Variants in MEP1A observed in about 807,000 individuals in gnomAD.
MEP1A encodes N-benzoyl-L-tyrosyl-P-amino-benzoic acid hydrolase subunit alpha.
Under a neutral mutation model 84.5 loss-of-function variants are expected in MEP1A, and 68 were observed. The ratio of observed to expected loss-of-function variants is 0.80; its 90% CI spans 0.66 to 0.98. The LOEUF (loss-of-function observed/expected upper bound fraction) is 0.98. Ranked by LOEUF, MEP1A falls within the 50% of genes least tolerant of loss-of-function variation. MEP1A has a pLI of 0.00. For synonymous variants in MEP1A, 337 were observed against 336.8 expected (o/e 1.00, Z -0.01); for missense variants, 887 against 919.9 (o/e 0.96, Z 0.46).
rs1335768043 is a variant in MEP1A, at chr6:46,825,507, T to C, written c.778+14T>C. 2 of 1,568,856 alleles carry C rather than the reference T, an allele frequency of 1.3e-6. No individual in the cohort carries two copies. The highest frequency in any genetic ancestry group is 4.5e-5 in the East Asian group (2 of 44,406). ...TGTACAATTGCAGTGAGTATCTCAGTTTCTGAGAACTTGGTAAACTAGCCT... is the reference window on the plus strand; with the variant it reads ...TGTACAATTGCAGTGAGTATCTCAGCTTCTGAGAACTTGGTAAACTAGCCT... On this transcript the variant is annotated intron_variant, in intron 8 of 13. Coordinates refer to ENST00000230588, the MANE Select transcript of MEP1A (RefSeq NM_005588.3).
In MEP1A at chr6:46,833,545, G is replaced by A. The variant is rs1664466049; in HGVS notation, c.1609+7G>A. On this transcript the variant is annotated splice_region_variant and intron_variant, in intron 11 of 13. Coordinates refer to ENST00000230588, the MANE Select transcript of MEP1A (RefSeq NM_005588.3). ...AAGTCGCACACATCTCCAGGTGGGT[G>A]GTGTCAGCGCAAATAAGAACTGCCC... 1.2e-6 allele frequency: 2 copies of A among 1,609,318 alleles called. No homozygotes were observed. The highest frequency in any genetic ancestry group is 2.7e-5 in the African/African-American group (2 of 74,918).
intron 5 of MEP1A, among the ~76,000 whole-genome samples, chr6:46,800,380 G>T (rs563232424): frequency 1.3e-5 from 2 of 152,168 alleles, no homozygotes; most frequent in Non-Finnish European, 2.9e-5. Flanking sequence ...GAGTAGGTCA[G>T]CGTTGGTGTG....
chr6:46,831,531 G>A (rs1768075222), intron 10 of MEP1A, among the ~76,000 whole-genome samples: 1 of 152,186 alleles, frequency 6.6e-6, no homozygotes, highest in Admixed American at 6.5e-5. Context: ...GGGCAGCCCT[G>A]TGGAAGCATG....
intron 6 of MEP1A, among the ~76,000 whole-genome samples, chr6:46,812,136 T>G (rs1473772585): frequency 2.6e-5 from 4 of 152,012 alleles, no homozygotes; most frequent in African/African-American, 9.7e-5. Flanking sequence ...TGAATTGCCA[T>G]TTCAATCTCA....
chr6:46,819,768 A>G (rs993601105), intron 7 of MEP1A, 64 bp downstream of exon 7: 51 of 1,539,116 alleles, frequency 3.3e-5, no homozygotes, highest in Non-Finnish European at 4.3e-5. Flanking sequence ...GAGATGACCA[A>G]GCCAAATCTG....
intron 5 of MEP1A, among the ~76,000 whole-genome samples, chr6:46,807,770 GGAAAGAAA>G (rs545795578): frequency 0.065 from 6,174 of 95,514 alleles, 298 homozygotes; most frequent in East Asian, 0.1. Context: ...AAGGGAGAAA[GGAAAGAAA>G]GAAAGAAAGA....
chr6:46,832,044 G>A (rs545937281), intron 10 of MEP1A, among the ~76,000 whole-genome samples: 1 of 152,264 alleles, frequency 6.6e-6, no homozygotes, highest in East Asian at 1.9e-4. Context: ...AGAATGGCCT[G>A]AAAACACAAG....
the MEP1A span, among the ~76,000 whole-genome samples, chr6:46,845,962 T>G: frequency 6.6e-6 from 1 of 152,224 alleles, no homozygotes; most frequent in Admixed American, 6.5e-5. Flanking sequence ...GTTTGAAAAT[T>G]AAATAAAATT....
intron 6 of MEP1A, among the ~76,000 whole-genome samples, chr6:46,818,648 C>T (rs868218923): frequency 3.9e-5 from 6 of 152,216 alleles, no homozygotes; most frequent in Admixed American, 6.5e-5. Context: ...TTCAGAGGGA[C>T]GCTACAGGTC....
At chr6:46,836,145 T>C (rs1346577828) in intron 13 of MEP1A, among the ~76,000 whole-genome samples, 1 of 152,192 alleles carries the variant, frequency 6.6e-6, no homozygotes, top group Non-Finnish European at 1.5e-5. Flanking sequence ...TGTCAAGAAG[T>C]TGAAGCTTAG....
chr6:46,804,527 A>G (rs1767268439), intron 5 of MEP1A, among the ~76,000 whole-genome samples: 1 of 151,700 alleles, frequency 6.6e-6, no homozygotes. Context: ...TGTATTTTTG[A>G]TGCATTTCAA....
downstream of MEP1A, among the ~76,000 whole-genome samples, chr6:46,842,385 C>T (rs574508559): frequency 6.6e-6 from 1 of 152,102 alleles, no homozygotes; most frequent in African/African-American, 2.4e-5. Flanking sequence ...GAATTCTTTT[C>T]CCAGCAAGGA....
intron 5 of MEP1A, among the ~76,000 whole-genome samples, chr6:46,801,559 A>G (rs1163993376): frequency 6.6e-6 from 1 of 151,980 alleles, no homozygotes; most frequent in African/African-American, 2.4e-5. Flanking sequence ...TTAGTCTGTT[A>G]CTTACCTATT....
chr6:46,817,352 C>G (rs1012692020), intron 6 of MEP1A, among the ~76,000 whole-genome samples: 4 of 152,054 alleles, frequency 2.6e-5, no homozygotes, highest in African/African-American at 9.7e-5. Flanking sequence ...TGTTTTATTG[C>G]TTGAGGTTTT....
chr6:46,845,527 A>G, the MEP1A span, among the ~76,000 whole-genome samples: 1 of 152,222 alleles, frequency 6.6e-6, no homozygotes, highest in African/African-American at 2.4e-5. Flanking sequence ...AATGGATATA[A>G]TTATTTCTAC....
intron 5 of MEP1A, among the ~76,000 whole-genome samples, chr6:46,807,832 A>AAAGAAAGAAAGG (rs1767399616): frequency 7.8e-6 from 1 of 129,020 alleles, no homozygotes; most frequent in Admixed American, 7.6e-5. Flanking sequence ...AGAAAGAAAG[A>AAAGAAAGAAAGG]AAGAAAGGAA....
intron 13 of MEP1A, among the ~76,000 whole-genome samples, chr6:46,835,944 T>C (rs750886654): frequency 1.3e-5 from 2 of 152,218 alleles, no homozygotes; most frequent in African/African-American, 4.8e-5. Flanking sequence ...CTAATTATTA[T>C]TAGTTCTATA....
intron 13 of MEP1A, among the ~76,000 whole-genome samples, chr6:46,837,218 A>C (rs1309674434): frequency 6.6e-6 from 1 of 152,198 alleles, no homozygotes; most frequent in Non-Finnish European, 1.5e-5. Context: ...CACCCCGTTA[A>C]TTTGTTTATG....
chr6:46,796,733 G>A (rs1047587809), intron 3 of MEP1A, among the ~76,000 whole-genome samples: 2 of 152,180 alleles, frequency 1.3e-5, no homozygotes, highest in Non-Finnish European at 2.9e-5. Context: ...TGCCCCCCAT[G>A]ACTCCATCCA....
Sources: gnomAD v4.1 joint callset for allele counts (sites outside exome capture counted in the v4.1 genomes callset) on GRCh38, gnomAD v4.1.1 for gene constraint, MANE v1.5 for transcripts, NCBI Gene and HGNC (gene_info 2026-07-23, HGNC 2026-07-21) for gene names.